Variants in CHRNA1 observed in about 807,000 individuals in gnomAD.
CHRNA1 encodes the protein cholinergic receptor nicotinic alpha 1 subunit.
Under a neutral mutation model 47.1 loss-of-function variants are expected in CHRNA1, and 35 were observed. That is an observed-to-expected ratio of 0.74 (90% confidence interval 0.57 to 0.99). The LOEUF (loss-of-function observed/expected upper bound fraction) is 0.99. CHRNA1 is among the 50% of genes least tolerant of loss of function. The pLI, the probability that CHRNA1 is intolerant of heterozygous loss-of-function variation, is 0.00. For missense variants in CHRNA1, 506 were observed against 591.1 expected, an observed-to-expected ratio of 0.86 and a Z score of 1.49; for synonymous variants, 229 against 223.6, an observed-to-expected ratio of 1.02 and a Z score of -0.22.
rs747657828 is a variant in CHRNA1 at position 174,750,060 on chromosome 2, T to A, written c.888A>T (p.Lys296Asn). ...STSSAVPLIG[K>N]YMLFTMVFVI... is the part of the protein sequence containing the mutation. The stretch of plus-strand genomic sequence containing the variant: ...CGAACACCATGGTGAACAGCATGTA[T>A]TTTCCAATCAAGGGCACAGCACTGG... Residue 296 changes from lysine to asparagine, a missense_variant, in exon 7 of 9, where the codon AAA (lysine) becomes AAT (asparagine). Physicochemically the swap from Lys to Asn is moderately conservative, Grantham distance 94. Coordinates refer to ENST00000348749, the MANE Select transcript of CHRNA1 (RefSeq NM_000079.4). 3.1e-6 allele frequency: 5 copies of A among 1,614,076 alleles called. No individual in the cohort carries two copies. The highest frequency in any genetic ancestry group is 4.2e-6 in the Non-Finnish European group (5 of 1,180,022).
Position 174,748,833 on chromosome 2 carries a change from G to T in CHRNA1, c.1003-14C>A. The T allele has an allele frequency of 1.2e-6, 2 of 1,613,260 alleles. No homozygotes were observed. Among genetic ancestry groups the T allele is most frequent in the Non-Finnish European group, 1.7e-6 (2 of 1,179,958 alleles). Reference sequence around the variant, plus strand: ...GTCGATAAAAACCTAACATAAAAAAGAAATCCATGCATGAGAATTATTGTC... The same window carrying T: ...GTCGATAAAAACCTAACATAAAAAATAAATCCATGCATGAGAATTATTGTC... On this transcript the variant is annotated splice_polypyrimidine_tract_variant and intron_variant, in intron 7 of 8. Coordinates refer to ENST00000348749, the MANE Select transcript of CHRNA1 (RefSeq NM_000079.4).
At chr2:174,755,413 T>C (rs1235167348) in intron 4 of CHRNA1, among the ~76,000 whole-genome samples, 1 of 151,536 alleles carries the variant, frequency 6.6e-6, no homozygotes, top group African/African-American at 2.4e-5. Flanking sequence ...GCTGGAAACT[T>C]AGATTTTTTT....
At chr2:174,751,632 T>G (rs1683852014) in intron 6 of CHRNA1, among the ~76,000 whole-genome samples, 1 of 152,048 alleles carries the variant, frequency 6.6e-6, no homozygotes, top group Non-Finnish European at 1.5e-5. Flanking sequence ...AAGCATAATT[T>G]TTGTGCTAAG....
intron 6 of CHRNA1, among the ~76,000 whole-genome samples, chr2:174,752,394 A>G (rs1558911149): frequency 6.6e-6 from 1 of 152,066 alleles, no homozygotes; most frequent in Non-Finnish European, 1.5e-5. Flanking sequence ...ACATGGTGCA[A>G]CCCCGTTTCT....
chr2:174,755,586 T>A (rs1282586621), intron 4 of CHRNA1, among the ~76,000 whole-genome samples: 2 of 151,938 alleles, frequency 1.3e-5, no homozygotes, highest in African/African-American at 4.8e-5. Flanking sequence ...GCCCAGCTAA[T>A]TTTTTGTATT....
chr2:174,753,353 C>T (rs1259440574), intron 6 of CHRNA1, 150 bp downstream of exon 6: 49 of 839,578 alleles, frequency 5.8e-5, no homozygotes, highest in Middle Eastern at 3.0e-4. Context: ...CTCACCACTG[C>T]GCACGCCCAC....
intron 5 of CHRNA1, among the ~76,000 whole-genome samples, 165 bp from the exon 6 acceptor site, chr2:174,753,905 G>T (rs1683914449): frequency 6.6e-6 from 1 of 152,172 alleles, no homozygotes; most frequent in South Asian, 2.1e-4. Flanking sequence ...CCTTTCCTAT[G>T]ACATAAGGGG....
At chr2:174,753,775 A>T in intron 5 of CHRNA1, 35 bp from the exon 6 acceptor site, 1 of 1,606,324 alleles carries the variant, frequency 6.2e-7, no homozygotes, top group South Asian at 1.1e-5. Flanking sequence ...AATCCCAGGC[A>T]GGTCACCCTG....
intron 6 of CHRNA1, among the ~76,000 whole-genome samples, chr2:174,750,873 C>A (rs1395370285): frequency 6.6e-6 from 1 of 152,176 alleles, no homozygotes. Flanking sequence ...TGGCATTTCC[C>A]TTCTGCAGCA....
At chr2:174,751,985 G>A (rs891518071) in intron 6 of CHRNA1, among the ~76,000 whole-genome samples, 7 of 151,924 alleles carry the variant, frequency 4.6e-5, no homozygotes, top group African/African-American at 1.5e-4. Flanking sequence ...TGGCCCCTAA[G>A]CACTTTTCAA....
chr2:174,764,302 C>A (rs986612470), intron 1 of CHRNA1, 50 bp downstream of exon 1: 1 of 1,593,436 alleles, frequency 6.3e-7, no homozygotes, highest in Non-Finnish European at 8.6e-7. Flanking sequence ...GCCTCCAGCA[C>A]TTTAGCCTCA....
chr2:174,755,349 C>T (rs951402113), intron 4 of CHRNA1, among the ~76,000 whole-genome samples: 17 of 152,092 alleles, frequency 1.1e-4, no homozygotes, highest in South Asian at 6.2e-4. Context: ...TCCCCTGAGG[C>T]GCCCATGTGG....
At chr2:174,755,701 A>G (rs1462130768) in intron 4 of CHRNA1, among the ~76,000 whole-genome samples, 1 of 152,164 alleles carries the variant, frequency 6.6e-6, no homozygotes, top group South Asian at 2.1e-4. Context: ...TACAGGCGTG[A>G]GCATTGCGCC....
chr2:174,748,302 T>C (rs372329458), intron 8 of CHRNA1, 47 bp from the exon 9 acceptor site: 1 of 1,612,474 alleles, frequency 6.2e-7, no homozygotes, highest in Non-Finnish European at 8.5e-7. Context: ...AGGTGGTTTC[T>C]GGACTCACAA....
chr2:174,748,490 C>A, intron 8 of CHRNA1, 90 bp downstream of exon 8: 1 of 1,518,954 alleles, frequency 6.6e-7, no homozygotes, highest in South Asian at 1.2e-5. Context: ...CTGTTGTATG[C>A]CACCTACTTG....
intron 1 of CHRNA1, among the ~76,000 whole-genome samples, chr2:174,759,929 TACACACAC>T (rs5836472): frequency 1.5e-4 from 21 of 143,962 alleles, no homozygotes; most frequent in Admixed American, 1.0e-3. Context: ...GTTTGCCAGG[TACACACAC>T]ACACACACAC....
intron 4 of CHRNA1, 25 bp downstream of exon 4, chr2:174,757,541 T>C (rs749664264): frequency 5.7e-6 from 9 of 1,580,074 alleles, no homozygotes; most frequent in Non-Finnish European, 7.8e-6. Flanking sequence ...AGGAGCACCC[T>C]CCGCCACCCA....
chr2:174,748,050 G>A lies in CHRNA1; in HGVS notation c.*74C>T, dbSNP rs1683766058. ...TTGATAAGTGCGAGTGGAGCAAGTA[G>A]ACAAATCTTCCTCTCCTGCCCTTCT... On this transcript the variant is annotated 3_prime_UTR_variant, in exon 9 of 9. Transcript: ENST00000348749. 6.3e-7 allele frequency: 1 copy of A among 1,587,070 alleles called. No homozygotes were observed. Among genetic ancestry groups the A allele is most frequent in the South Asian group, 1.1e-5 (1 of 90,018 alleles).
intron 1 of CHRNA1, among the ~76,000 whole-genome samples, chr2:174,761,831 A>C (rs1684106594): frequency 6.6e-6 from 1 of 152,162 alleles, no homozygotes; most frequent in South Asian, 2.1e-4. Context: ...GGCCTCATCC[A>C]TCCCATGGTG....
Sources: allele counts gnomAD v4.1 joint callset (sites outside exome capture counted in the v4.1 genomes callset), GRCh38; gene constraint gnomAD v4.1.1; transcripts MANE v1.5; gene names NCBI Gene and HGNC (gene_info 2026-07-23, HGNC 2026-07-21).